Variants in GSG1L observed in about 807,000 individuals in gnomAD.
The protein encoded by GSG1L is GSG1 like, also known as germ cell-specific gene 1-like protein.
A neutral mutation model predicts 42.1 loss-of-function variants in GSG1L; 24 were observed. The ratio of observed to expected loss-of-function variants is 0.57; its 90% CI spans 0.41 to 0.80. The LOEUF (loss-of-function observed/expected upper bound fraction) is 0.80, where lower values mean the gene tolerates loss of function less well. GSG1L is among the 30% of genes least tolerant of loss of function. The pLI is 0.00. For missense variants in GSG1L, 445 were observed against 472.2 expected, an observed-to-expected ratio of 0.94 and a Z score of 0.53; for synonymous variants, 215 against 203.5, an observed-to-expected ratio of 1.06 and a Z score of -0.48.
chr16:27,811,642 G>A (rs72780170), intron 5 of GSG1L, among the ~76,000 whole-genome samples: 2,945 of 152,184 alleles, frequency 0.019, 74 homozygotes, highest in Admixed American at 0.075. Flanking sequence ...AATTCTCCTG[G>A]TTTCTTTTCG....
intron 3 of GSG1L, among the ~76,000 whole-genome samples, chr16:27,875,681 AC>A (rs2083879144): frequency 6.6e-6 from 1 of 152,148 alleles, no homozygotes; most frequent in Non-Finnish European, 1.5e-5. Flanking sequence ...AACAGACCCA[AC>A]CAAACCTGGC....
In GSG1L at chr16:27,828,941, G is replaced by T; in HGVS notation, c.678C>A (p.Ser226=). 6.2e-7 allele frequency: 1 copy of T among 1,614,170 alleles called. No homozygotes were observed. Among genetic ancestry groups the T allele is most frequent in the Non-Finnish European group, 8.5e-7 (1 of 1,180,010 alleles). Residue 226 remains serine (S), a synonymous_variant, in exon 5 of 7, where the codon TCC becomes TCA. Transcript: ENST00000447459. ...YGWSFCLAWG[S]FTCCMAASVT... ...CAGAGGCTGCCATGCAGCAGGTAAA[G>T]GAGCCCCACGCCAGGCTGCCAAGAG...
intron 4 of GSG1L, among the ~76,000 whole-genome samples, chr16:27,830,344 A>G (rs2083261733): frequency 6.6e-6 from 1 of 151,990 alleles, no homozygotes; most frequent in South Asian, 2.1e-4. Flanking sequence ...GCTGGTTTCT[A>G]AACATCATCA....
chr16:27,799,794 G>A (rs1567458411), intron 6 of GSG1L, among the ~76,000 whole-genome samples: 1 of 152,112 alleles, frequency 6.6e-6, no homozygotes, highest in Non-Finnish European at 1.5e-5. Flanking sequence ...GGATTGGAAA[G>A]GAATTGGCCC....
At chr16:27,912,993 G>GTT (rs575960679) in intron 2 of GSG1L, among the ~76,000 whole-genome samples, 16 of 147,186 alleles carry the variant, frequency 1.1e-4, no homozygotes, top group African/African-American at 3.7e-4. Flanking sequence ...GTGTGTGTGT[G>GTT]TTTTTTTTTA....
intron 6 of GSG1L, among the ~76,000 whole-genome samples, chr16:27,794,980 T>C (rs1016568523): frequency 6.6e-6 from 1 of 152,044 alleles, no homozygotes; most frequent in African/African-American, 2.4e-5. Context: ...CTTTGCTCCT[T>C]TCCCTGTGCC....
At chr16:28,062,978 G>C (rs2086360164) in intron 1 of GSG1L, 98 bp downstream of exon 1, 1 of 1,208,506 alleles carries the variant, frequency 8.3e-7, no homozygotes, top group South Asian at 3.6e-5. Flanking sequence ...GGGCCCAGGC[G>C]GCGGGAGGAG....
Position 27,845,927 on chromosome 16 carries a change from G to A in GSG1L, c.551-866C>T, listed in dbSNP as rs2083438028. 9.3e-5 allele frequency among the ~76,000 whole-genome samples: 14 copies of A among 150,062 alleles called. No homozygotes were observed. In the South Asian group the frequency reaches 2.9e-3, roughly 31 times the overall value. The stretch of plus-strand genomic sequence containing the variant: ...AATAAACTTTTTTTTTTTTGAGAAA[G>A]AGTCTCGCTCTGTCACCCACGCTGG... On this transcript the variant is annotated intron_variant, in intron 3 of 6. Transcript: ENST00000447459.
chr16:27,959,197 C>G (rs2085039222), intron 2 of GSG1L, among the ~76,000 whole-genome samples: 1 of 151,090 alleles, frequency 6.6e-6, no homozygotes, highest in Admixed American at 6.6e-5. Context: ...GTGGCTCATG[C>G]CTGTAATCCC....
intron 2 of GSG1L, among the ~76,000 whole-genome samples, chr16:27,888,399 TCC>T (rs1417687837): frequency 1.5e-5 from 2 of 130,172 alleles, no homozygotes; most frequent in Admixed American, 8.7e-5. Context: ...TTTTCTTTTC[TCC>T]TTCTTTCTTT....
intron 1 of GSG1L, among the ~76,000 whole-genome samples, chr16:28,011,309 A>G (rs1387651302): frequency 6.6e-6 from 1 of 152,216 alleles, no homozygotes; most frequent in Non-Finnish European, 1.5e-5. Context: ...AGCCGCCTGC[A>G]GGGCATCCTC....
intron 5 of GSG1L, among the ~76,000 whole-genome samples, chr16:27,811,642 G>GT: frequency 6.6e-6 from 1 of 152,188 alleles, no homozygotes; most frequent in Middle Eastern, 3.4e-3. Flanking sequence ...AATTCTCCTG[G>GT]TTTCTTTTCG....
chr16:27,883,344 T>G (rs571688190), intron 3 of GSG1L, among the ~76,000 whole-genome samples: 1 of 152,096 alleles, frequency 6.6e-6, no homozygotes, highest in East Asian at 1.9e-4. Flanking sequence ...TACATGGGGA[T>G]GGGGTGCATG....
In GSG1L at chr16:27,813,239, T is replaced by C. The variant is rs79198147; in HGVS notation, c.831-5685A>G. On this transcript the variant is annotated intron_variant, in intron 5 of 6. Transcript: ENST00000447459. ...AGATGGCTTTTTGGTCCCCTCCCTC[T>C]TCCCACCCTCCACCTTCAAGTAGGT... is the stretch of plus-strand genomic sequence containing the variant. Among the ~76,000 whole-genome samples, 852 of 152,206 alleles carry C rather than the reference T, an allele frequency of 5.6e-3. 10 individuals are homozygous for C. Among genetic ancestry groups the C allele is most frequent in the African/African-American group, 0.019 (775 of 41,540 alleles).
At chr16:27,950,417 A>G (rs1007084015) in intron 2 of GSG1L, among the ~76,000 whole-genome samples, 2 of 152,312 alleles carry the variant, frequency 1.3e-5, no homozygotes, top group Non-Finnish European at 2.9e-5. Context: ...AGATGTTGTG[A>G]TCTCCAGGAG....
chr16:27,999,608 G>T lies in GSG1L; in HGVS notation c.350-36405C>A, dbSNP rs79090871. 2.9e-3 allele frequency among the ~76,000 whole-genome samples: 437 copies of T among 152,128 alleles called. 4 individuals are homozygous for T. The highest frequency in any genetic ancestry group is 0.01 in the African/African-American group (429 of 41,488). On this transcript the variant is annotated intron_variant, in intron 1 of 6. Transcript: ENST00000447459. ...ATTTATTGAACATTTTCTATATGCC[G>T]GCACTTAGCTAAGCTCTTATAAGCT...
chr16:28,054,220 C>A (rs1425149360), intron 1 of GSG1L, among the ~76,000 whole-genome samples: 1 of 152,162 alleles, frequency 6.6e-6, no homozygotes, highest in East Asian at 1.9e-4. Context: ...AAATACCCAC[C>A]CCAGCTCTGC....
Position 27,939,234 on chromosome 16 carries a change from G to T in GSG1L, c.397+23922C>A, listed in dbSNP as rs913811471. ...CCTCCTGAGCTCAAGCCATCCTTTT[G>T]CCTTAGCCTCCAGAGTAGCTAGGAC... On this transcript the variant is annotated intron_variant, in intron 2 of 6. Transcript: ENST00000447459. Among the ~76,000 whole-genome samples, 15 of 152,030 alleles carry T rather than the reference G, an allele frequency of 9.9e-5. No individual in the cohort carries two copies. In the East Asian group the frequency reaches 2.1e-3, roughly 22 times the overall value.
chr16:28,010,359 G>A (rs950628243), intron 1 of GSG1L, among the ~76,000 whole-genome samples: 5 of 152,192 alleles, frequency 3.3e-5, no homozygotes, highest in South Asian at 4.1e-4. Flanking sequence ...TAGGGTTAGC[G>A]GAAGGCTTGG....
Sources: allele counts gnomAD v4.1 joint callset (sites outside exome capture counted in the v4.1 genomes callset), GRCh38; gene constraint gnomAD v4.1.1; transcripts MANE v1.5; gene names NCBI Gene and HGNC (gene_info 2026-07-23, HGNC 2026-07-21).